Variants in CYP7B1 observed in about 807,000 individuals in gnomAD.
CYP7B1 encodes cytochrome P450 7B1.
A neutral mutation model predicts 42.7 loss-of-function variants in CYP7B1; 29 were observed. The ratio of observed to expected loss-of-function variants is 0.68; its 90% CI spans 0.51 to 0.93. CYP7B1 has a LOEUF of 0.93. CYP7B1 is among the 40% of genes least tolerant of loss of function. The probability of loss-of-function intolerance (pLI) is 0.00; values close to 1 mark genes in which losing one functional copy is unlikely to be tolerated. For missense variants in CYP7B1, 655 were observed against 600.5 expected (o/e 1.09, Z -0.95); for synonymous variants, 235 against 218.2 (o/e 1.08, Z -0.68).
Position 64,615,219 on chromosome 8 carries a change from G to GC in CYP7B1, c.863dup (p.Phe289LeufsTer32). The stretch of plus-strand genomic sequence containing the variant: ...TGTTTGCCACAGAGGCCCAGAGAAA[G>GC]CCTAAATGATGTGCTGGGAGAAAAT... On this transcript the variant is annotated frameshift_variant, in exon 4 of 6. Transcript: ENST00000310193. LOFTEE classifies it high-confidence loss of function. 1 of 1,612,980 alleles carries GC rather than the reference G, an allele frequency of 6.2e-7. No homozygotes were observed. The highest frequency in any genetic ancestry group is 2.2e-5 in the East Asian group (1 of 44,858).
At chr8:64,654,948 T>C (rs1045198626) in intron 1 of CYP7B1, among the ~76,000 whole-genome samples, 8 of 152,132 alleles carry the variant, frequency 5.3e-5, no homozygotes, top group Non-Finnish European at 1.0e-4. Flanking sequence ...ATAAATGGTG[T>C]TGAGGTAACT....
intron 1 of CYP7B1, among the ~76,000 whole-genome samples, chr8:64,780,619 A>C (rs1804406095): frequency 6.6e-6 from 1 of 152,180 alleles, no homozygotes; most frequent in Admixed American, 6.6e-5. Flanking sequence ...GATATAATAG[A>C]TGTCACCTTC....
chr8:64,759,243 C>T (rs1052504261), intron 1 of CYP7B1, among the ~76,000 whole-genome samples: 1 of 152,168 alleles, frequency 6.6e-6, no homozygotes, highest in African/African-American at 2.4e-5. Context: ...GATGGCAGAG[C>T]TACAAGGAGG....
At chr8:64,753,974 G>A (rs948541553) in intron 1 of CYP7B1, among the ~76,000 whole-genome samples, 3 of 151,990 alleles carry the variant, frequency 2.0e-5, no homozygotes, top group East Asian at 3.9e-4. Context: ...TGCCAGTGTG[G>A]TTGGTCCCAT....
rs1027636741 is a variant in CYP7B1 at position 64,636,707 on chromosome 8, T to C, written c.123-12168A>G. 3.9e-5 allele frequency among the ~76,000 whole-genome samples: 6 copies of C among 152,180 alleles called. No individual in the cohort carries two copies. The East Asian group carries it at 1.2e-3, about 29-fold the overall frequency. On this transcript the variant is annotated intron_variant, in intron 1 of 5. Coordinates refer to ENST00000310193, the MANE Select transcript of CYP7B1 (RefSeq NM_004820.5). ...TGCTCTGAAAGAAACTCTAACATTC[T>C]AGGCTTTGTATTCTCTAAGCAAACA... is the stretch of plus-strand genomic sequence containing the variant.
In CYP7B1 at chr8:64,604,587, C is replaced by T. The variant is rs1805247495; in HGVS notation, c.1233+95G>A. Reference sequence around the variant, plus strand: ...GCCATCAAGCTGCCTCAAACCCCTTCTGGACCAAAGTGGCAAGAGGAAGAG... The same window carrying T: ...GCCATCAAGCTGCCTCAAACCCCTTTTGGACCAAAGTGGCAAGAGGAAGAG... On this transcript the variant is annotated intron_variant, in intron 5 of 5. Coordinates refer to ENST00000310193, the MANE Select transcript of CYP7B1 (RefSeq NM_004820.5). 4 of 1,465,512 alleles carry T rather than the reference C, an allele frequency of 2.7e-6. No homozygotes were observed. The East Asian group carries it at 9.1e-5, about 33-fold the overall frequency. 90.8% of individuals were successfully genotyped at this position (1,465,512 alleles called of 1,614,324 possible). A position where few individuals can be genotyped will look rare whatever the true frequency, so the allele number is the denominator to read the frequency against.
chr8:64,646,862 C>T (rs1459855091), intron 1 of CYP7B1, among the ~76,000 whole-genome samples: 1 of 152,230 alleles, frequency 6.6e-6, no homozygotes, highest in Non-Finnish European at 1.5e-5. Flanking sequence ...GGGTGCTTCA[C>T]TTTCTCACAC....
At chr8:64,701,299 T>C (rs1216637274) in intron 1 of CYP7B1, among the ~76,000 whole-genome samples, 1 of 151,930 alleles carries the variant, frequency 6.6e-6, no homozygotes, top group Non-Finnish European at 1.5e-5. Context: ...AATTTCAGTC[T>C]CTCCCAGGAT....
chr8:64,717,870 T>G (rs2129632803), intron 1 of CYP7B1, among the ~76,000 whole-genome samples: 1 of 151,328 alleles, frequency 6.6e-6, no homozygotes, highest in African/African-American at 2.4e-5. Context: ...TTTTTTTTTT[T>G]GGAAAAAAAA....
chr8:64,787,081 A>C (rs1045341683), intron 1 of CYP7B1, among the ~76,000 whole-genome samples: 1 of 152,134 alleles, frequency 6.6e-6, no homozygotes, highest in Non-Finnish European at 1.5e-5. Context: ...TGGACTATGA[A>C]ACCGTTTTTC....
At chr8:64,691,488 G>GA (rs200001171) in intron 1 of CYP7B1, among the ~76,000 whole-genome samples, 1,996 of 148,648 alleles carry the variant, frequency 0.013, 134 homozygotes, top group African/African-American at 0.047. Flanking sequence ...CAACTGGGGG[G>GA]GGGGGGTGGT....
chr8:64,687,392 A>T (rs1806672080), intron 1 of CYP7B1, among the ~76,000 whole-genome samples: 1 of 152,194 alleles, frequency 6.6e-6, no homozygotes, highest in Admixed American at 6.5e-5. Context: ...GGAGAAAGTA[A>T]ATTAGTGGTA....
chr8:64,778,253 C>T (rs1394904003), intron 1 of CYP7B1, among the ~76,000 whole-genome samples: 3 of 141,438 alleles, frequency 2.1e-5, no homozygotes, highest in Non-Finnish European at 1.5e-5. Flanking sequence ...TATGTATATA[C>T]ATATACTACA....
intron 1 of CYP7B1, among the ~76,000 whole-genome samples, chr8:64,669,199 T>C (rs1335500290): frequency 6.6e-6 from 1 of 152,146 alleles, no homozygotes; most frequent in Non-Finnish European, 1.5e-5. Flanking sequence ...CCAGGGCTGT[T>C]GATGGCATGG....
chr8:64,654,659 T>A (rs1458216717), intron 1 of CYP7B1, among the ~76,000 whole-genome samples: 4 of 152,120 alleles, frequency 2.6e-5, no homozygotes, highest in Non-Finnish European at 4.4e-5. Flanking sequence ...TTCACAGAAC[T>A]AGAGAAAACT....
chr8:64,710,687 A>G (rs1298703790), intron 1 of CYP7B1, among the ~76,000 whole-genome samples: 3 of 152,108 alleles, frequency 2.0e-5, no homozygotes, highest in Non-Finnish European at 1.5e-5. Flanking sequence ...ATGGTAGTAC[A>G]TCAATAAATT....
At chr8:64,686,397 A>G (rs1585855722) in intron 1 of CYP7B1, among the ~76,000 whole-genome samples, 1 of 30,900 alleles carries the variant, frequency 3.2e-5, no homozygotes, top group Admixed American at 2.5e-4. Context: ...CCCGTCCGGG[A>G]GGGAGGTGGG....
At chr8:64,696,794 A>C (rs1229970456) in intron 1 of CYP7B1, among the ~76,000 whole-genome samples, 2 of 152,168 alleles carry the variant, frequency 1.3e-5, no homozygotes, top group Non-Finnish European at 2.9e-5. Context: ...TGACAGAACA[A>C]GTTCCTAGGT....
intron 2 of CYP7B1, among the ~76,000 whole-genome samples, chr8:64,616,788 T>A (rs1805455421): frequency 6.6e-6 from 1 of 152,202 alleles, no homozygotes. Flanking sequence ...TACTCACAAA[T>A]AAATGTCTAA....
Sources: allele counts gnomAD v4.1 joint callset (sites outside exome capture counted in the v4.1 genomes callset), GRCh38; gene constraint gnomAD v4.1.1; transcripts MANE v1.5; gene names NCBI Gene and HGNC (gene_info 2026-07-23, HGNC 2026-07-21).